PCDHGB7: variants seen among roughly 807,000 people sequenced by gnomAD.
PCDHGB7 encodes protocadherin gamma subfamily B, 7, also known as protocadherin gamma-B7.
A neutral mutation model predicts 61.4 loss-of-function variants in PCDHGB7; 37 were observed. The ratio of observed to expected loss-of-function variants is 0.60; its 90% CI spans 0.46 to 0.79. PCDHGB7 has a LOEUF of 0.79. PCDHGB7 is among the 30% of genes least tolerant of loss of function. PCDHGB7 has a pLI of 0.00. For missense variants in PCDHGB7, 1,166 were observed against 1,202.5 expected (o/e 0.97, Z 0.45); for synonymous variants, 464 against 503.5 (o/e 0.92, Z 1.05).
intron 1 of PCDHGB7, chr5:141,423,618 C>CT (rs1300844043): frequency 1.9e-6 from 3 of 1,608,282 alleles, no homozygotes; most frequent in Admixed American, 1.7e-5. Flanking sequence ...TAGCTGAAGA[C>CT]TCAGCTATCA....
intron 1 of PCDHGB7, among the ~76,000 whole-genome samples, chr5:141,470,417 T>A (rs1482173610): frequency 6.6e-6 from 1 of 152,226 alleles, no homozygotes; most frequent in East Asian, 1.9e-4. Context: ...ATTTTATGTA[T>A]TTTTTCCTTG....
chr5:141,473,626 G>A lies in PCDHGB7; in HGVS notation c.2416-21181G>A, dbSNP rs149882847. ...GCAAAGCAAAGGGAGGGAGGAAAAA[G>A]CAGCTTTCCTGGCAAAGGAACAATT... On this transcript the variant is annotated intron_variant, in intron 1 of 3. Transcript: ENST00000398594. Among the ~76,000 whole-genome samples, 1,234 of 152,276 alleles carry A rather than the reference G, an allele frequency of 8.1e-3. 14 individuals are homozygous for A. Among genetic ancestry groups the A allele is most frequent in the Non-Finnish European group, 0.011 (715 of 68,020 alleles).
intron 1 of PCDHGB7, among the ~76,000 whole-genome samples, chr5:141,470,888 T>C (rs2099243463): frequency 6.6e-6 from 1 of 151,912 alleles, no homozygotes; most frequent in Non-Finnish European, 1.5e-5. Context: ...GTTTTTGTTT[T>C]TGTTTTTTGT....
Position 141,489,391 on chromosome 5 carries a change from G to C in PCDHGB7, c.2416-5416G>C. 6.2e-7 allele frequency: 1 copy of C among 1,614,174 alleles called. No individual in the cohort carries two copies. The highest frequency in any genetic ancestry group is 8.5e-7 in the Non-Finnish European group (1 of 1,180,022). ...GACGCTGGTGGGGAATGTTGCTCAG[G>C]ATCTGGGCTTAAAGATGACAGATCT... On this transcript the variant is annotated intron_variant, in intron 1 of 3. Transcript: ENST00000398594. This position sits in a 1 kb window ranked among gnomAD's most constrained non-coding sequence, Gnocchi z 4.5.
Position 141,485,660 on chromosome 5 carries a change from G to A in PCDHGB7, c.2416-9147G>A. On this transcript the variant is annotated intron_variant, in intron 1 of 3. Transcript: ENST00000398594. The surrounding 1 kb of genome is among the most constrained non-coding windows in gnomAD (Gnocchi z 5.7). ...GGAAAAGGCTCAGGATGCAGATGTG[G>A]GGAGCAATTCGATTAGCAGCTATAG... is the stretch of plus-strand genomic sequence containing the variant. 1 of 1,612,716 alleles carries A rather than the reference G, an allele frequency of 6.2e-7. No individual in the cohort carries two copies. Among genetic ancestry groups the A allele is most frequent in the Non-Finnish European group, 8.5e-7 (1 of 1,178,898 alleles).
intron 1 of PCDHGB7, among the ~76,000 whole-genome samples, chr5:141,433,847 A>C (rs979302028): frequency 6.6e-6 from 1 of 151,976 alleles, no homozygotes; most frequent in South Asian, 2.1e-4. Context: ...CAAAAAAAAA[A>C]AAAAAAAACT....
At position 141,420,193 on chromosome 5, in the gene PCDHGB7, A is replaced by G; in HGVS notation, c.2334A>G (p.Gln778=). Residue 778 remains glutamine, a synonymous_variant, in exon 1 of 4, where the codon CAA becomes CAG. Coordinates refer to ENST00000398594, the MANE Select transcript of PCDHGB7 (RefSeq NM_018927.4). ...CTGTTGATCATTGTCCAGCCACACA[A>G]GATAACCTCAACAAAGATAGCATGC... ...FTSVDHCPAT[Q]DNLNKDSMLL... is the part of the protein sequence containing the mutation. 1 of 1,613,766 alleles carries G rather than the reference A, an allele frequency of 6.2e-7. No homozygotes were observed. The highest frequency in any genetic ancestry group is 1.1e-5 in the South Asian group (1 of 91,072).
intron 1 of PCDHGB7, chr5:141,421,360 T>G (rs549572548): frequency 6.2e-7 from 1 of 1,613,980 alleles, no homozygotes; most frequent in African/African-American, 1.3e-5. Context: ...AAAGGGCTCC[T>G]TCGTGGGCAA....
rs1228831823 is a variant in PCDHGB7, at chr5:141,487,778, T to C, written c.2416-7029T>C. ...GGTAGACGCTGTGCTTTGTAACTGT[T>C]TCGTGAATTAACCAGAGTTGTCACA... On this transcript the variant is annotated intron_variant, in intron 1 of 3. Coordinates refer to ENST00000398594, the MANE Select transcript of PCDHGB7 (RefSeq NM_018927.4). The surrounding 1 kb of genome is among the most constrained non-coding windows in gnomAD (Gnocchi z 5.0). The C allele has an allele frequency of 6.5e-7, 1 of 1,531,514 alleles. No individual in the cohort carries two copies. The highest frequency in any genetic ancestry group is 2.0e-5 in the Admixed American group (1 of 49,632). 94.9% of individuals were successfully genotyped at this position (1,531,514 alleles called of 1,614,324 possible).
chr5:141,432,586 C>G lies in PCDHGB7; in HGVS notation c.2415+12312C>G. 6.2e-7 allele frequency: 1 copy of G among 1,613,852 alleles called. No homozygotes were observed. The highest frequency in any genetic ancestry group is 8.5e-7 in the Non-Finnish European group (1 of 1,179,972). On this transcript the variant is annotated intron_variant, in intron 1 of 3. Transcript: ENST00000398594. The surrounding 1 kb of genome is among the most constrained non-coding windows in gnomAD (Gnocchi z 6.0). ...ACGCCTGGCTGTCCTACCGTCTGCT[C>G]AAGGCCAGCGAGCCGGGACTCTTCT...
In PCDHGB7 at chr5:141,418,505, G is replaced by A; in HGVS notation, c.646G>A (p.Asp216Asn). The A allele has an allele frequency of 6.2e-7, 1 of 1,614,006 alleles. No homozygotes were observed. The highest frequency in any genetic ancestry group is 8.5e-7 in the Non-Finnish European group (1 of 1,179,894). The change falls in exon 1 of 4, where the codon GAT (aspartate) becomes AAT (asparagine). Residue 216 changes from aspartate to asparagine, a missense_variant. Physicochemically the swap from Asp to Asn is conservative, Grantham distance 23 (BLOSUM62 1). Transcript: ENST00000398594. ...SAHHLVLTAL[D>N]GGDPPRSGTA... ...TCACCACTTGGTACTGACCGCCTTA[G>A]ATGGTGGGGACCCTCCCCGAAGCGG...
Position 141,418,069 on chromosome 5 carries a change from G to T in PCDHGB7, c.210G>T (p.Ala70=). 4 of 1,614,042 alleles carry T rather than the reference G, an allele frequency of 2.5e-6. No homozygotes were observed. Among genetic ancestry groups the T allele is most frequent in the South Asian group, 2.2e-5 (2 of 91,088 alleles). The part of the protein sequence containing the change: ...DVSARELRVS[A]EKLHFSVDAQ... ...CGGCTCGCGAGCTGCGAGTGAGCGC[G>T]GAGAAGCTGCACTTCAGCGTAGACG... The change falls in exon 1 of 4, where the codon GCG becomes GCT. Residue 70 remains alanine (A), a synonymous_variant. Transcript: ENST00000398594.
In PCDHGB7 at chr5:141,461,830, C is replaced by CT. The variant is rs1030113508; in HGVS notation, c.2416-32967dup. On this transcript the variant is annotated intron_variant, in intron 1 of 3. Transcript: ENST00000398594. Reference sequence around the variant, plus strand: ...CACCACACCCAGCTAATTTTTTTTTCTTTTTTTTTTGAGACAGAGTTTTGC... The same window carrying CT: ...CACCACACCCAGCTAATTTTTTTTTCTTTTTTTTTTTGAGACAGAGTTTTGC... Among the ~76,000 whole-genome samples, 192 of 145,246 alleles carry CT rather than the reference C, an allele frequency of 1.3e-3. 1 individual carries two copies. In the Middle Eastern group the frequency reaches 0.022, roughly 16 times the overall value.
At chr5:141,450,006 CTTTTTTT>C (rs1554136305) in intron 1 of PCDHGB7, among the ~76,000 whole-genome samples, 12 of 132,986 alleles carry the variant, frequency 9.0e-5, no homozygotes, top group Non-Finnish European at 1.7e-4. Context: ...TGCCATGTCT[CTTTTTTT>C]TTTTTTTTTT....
chr5:141,457,337 TTAC>T (rs1446765287), intron 1 of PCDHGB7, among the ~76,000 whole-genome samples: 2 of 152,202 alleles, frequency 1.3e-5, no homozygotes, highest in Non-Finnish European at 2.9e-5. Flanking sequence ...GGTACCTTAC[TTAC>T]TTTCATTACC....
At chr5:141,449,467 C>G (rs1356192128) in intron 1 of PCDHGB7, among the ~76,000 whole-genome samples, 1 of 150,842 alleles carries the variant, frequency 6.6e-6, no homozygotes, top group South Asian at 2.1e-4. Flanking sequence ...ATTAGCCAGG[C>G]CTGGTACCCC....
intron 1 of PCDHGB7, chr5:141,422,419 A>G (rs1318381358): frequency 8.7e-6 from 14 of 1,607,158 alleles, no homozygotes; most frequent in Non-Finnish European, 1.2e-5. Context: ...ATTAGAAAAG[A>G]CTTATGGAAA....
At position 141,432,660 on chromosome 5, in the gene PCDHGB7, A is replaced by G; in HGVS notation, c.2415+12386A>G. The G allele has an allele frequency of 6.2e-7, 1 of 1,613,768 alleles. No individual in the cohort carries two copies. Among genetic ancestry groups the G allele is most frequent in the African/African-American group, 1.3e-5 (1 of 75,026 alleles). ...GTGCGCACGGCGCGAGCCCTGCTGG[A>G]CAGAGACGCGCTCAAGCAGAGCCTC... On this transcript the variant is annotated intron_variant, in intron 1 of 3. Coordinates refer to ENST00000398594, the MANE Select transcript of PCDHGB7 (RefSeq NM_018927.4). The surrounding 1 kb of genome is among the most constrained non-coding windows in gnomAD (Gnocchi z 6.0).
At chr5:141,464,680 A>G (rs747974832) in intron 1 of PCDHGB7, among the ~76,000 whole-genome samples, 3 of 152,144 alleles carry the variant, frequency 2.0e-5, no homozygotes, top group Non-Finnish European at 4.4e-5. Flanking sequence ...TTTTAATTAA[A>G]ATTTCTCTTA....
Sources: gnomAD v4.1 joint callset for allele counts (sites outside exome capture counted in the v4.1 genomes callset) on GRCh38, gnomAD v4.1.1 for gene constraint, Gnocchi (gnomAD v3.1) non-coding constraint, MANE v1.5 for transcripts, NCBI Gene and HGNC (gene_info 2026-07-23, HGNC 2026-07-21) for gene names.